Variants in COL24A1 observed in about 807,000 individuals in gnomAD.
COL24A1 encodes the protein collagen type XXIV alpha 1 chain, also known as collagen alpha-1(XXIV) chain.
In COL24A1, 224 loss-of-function variants were observed where a neutral mutation model predicts 253.9. The ratio of observed to expected loss-of-function variants is 0.88; its 90% confidence interval spans 0.79 to 0.99. The LOEUF (loss-of-function observed/expected upper bound fraction) is 0.99. COL24A1 is among the 50% of genes least tolerant of loss of function. The pLI, the probability that COL24A1 is intolerant of heterozygous loss-of-function variation, is 0.00. For synonymous variants in COL24A1, 685 were observed against 673.7 expected (o/e 1.02, Z -0.26); for missense variants, 2,131 against 2,068.5 (o/e 1.03, Z -0.59).
intron 5 of COL24A1, among the ~76,000 whole-genome samples, chr1:86,093,356 G>C (rs1703647381): frequency 6.6e-6 from 1 of 152,030 alleles, no homozygotes; most frequent in Non-Finnish European, 1.5e-5. Flanking sequence ...TGGCTAGCCA[G>C]TCATCCCAGC....
intron 43 of COL24A1, among the ~76,000 whole-genome samples, chr1:85,825,849 G>A (rs1489239486): frequency 9.8e-5 from 9 of 92,284 alleles, no homozygotes; most frequent in Middle Eastern, 4.3e-3. Context: ...AGTAGGTTGC[G>A]AAAATTTTCT....
intron 58 of COL24A1, among the ~76,000 whole-genome samples, chr1:85,735,822 T>C (rs1557928533): frequency 6.6e-6 from 1 of 152,012 alleles, no homozygotes; most frequent in Non-Finnish European, 1.5e-5. Flanking sequence ...TAGTTCCTAC[T>C]GAGGAATTTG....
intron 47 of COL24A1, among the ~76,000 whole-genome samples, chr1:85,799,025 T>C (rs958658653): frequency 6.6e-6 from 1 of 152,118 alleles, no homozygotes; most frequent in Non-Finnish European, 1.5e-5. Flanking sequence ...AACATCATGG[T>C]AGACTCATTT....
intron 2 of COL24A1, among the ~76,000 whole-genome samples, chr1:86,131,223 C>A (rs995496055): frequency 1.3e-5 from 2 of 151,844 alleles, no homozygotes; most frequent in African/African-American, 4.8e-5. Flanking sequence ...GAATATGGCA[C>A]CATATTGACC....
Position 85,902,173 on chromosome 1 carries a change from T to A in COL24A1, c.2778+5021A>T, listed in dbSNP as rs553398866. Among the ~76,000 whole-genome samples, 5 of 152,286 alleles carry A rather than the reference T, an allele frequency of 3.3e-5. No individual in the cohort carries two copies. The East Asian group carries it at 9.7e-4, about 29-fold the overall frequency. Reference sequence around the variant, plus strand: ...ATCCCAAAATATGTCATGAAAACACTGGAGAAATTGTAGTTTCCAAAAGGG... The same window carrying A: ...ATCCCAAAATATGTCATGAAAACACAGGAGAAATTGTAGTTTCCAAAAGGG... On this transcript the variant is annotated intron_variant, in intron 28 of 59. Transcript: ENST00000370571.
intron 47 of COL24A1, among the ~76,000 whole-genome samples, chr1:85,788,323 C>T (rs1026649009): frequency 3.3e-5 from 5 of 152,150 alleles, no homozygotes; most frequent in African/African-American, 1.2e-4. Context: ...GATCTCCTGA[C>T]CTCGTGATCC....
At chr1:86,115,297 C>T in intron 4 of COL24A1, 28 bp downstream of exon 4, 1 of 1,609,422 alleles carries the variant, frequency 6.2e-7, no homozygotes, top group Non-Finnish European at 8.5e-7. Context: ...TTCTCACTGC[C>T]AGCAGGAAAT....
Position 86,017,224 on chromosome 1 carries a change from T to C in COL24A1, c.2257-20A>G. ...TTGGCCCTAAAATGGGGGGGGAGGATCAAAGTATAAACATAAACTTAATAA... is the reference window on the plus strand; with the variant it reads ...TTGGCCCTAAAATGGGGGGGGAGGACCAAAGTATAAACATAAACTTAATAA... On this transcript the variant is annotated intron_variant, in intron 18 of 59. Transcript: ENST00000370571. 1 of 1,549,522 alleles carries C rather than the reference T, an allele frequency of 6.5e-7. No homozygotes were observed. The highest frequency in any genetic ancestry group is 1.2e-5 in the South Asian group (1 of 81,988).
intron 2 of COL24A1, among the ~76,000 whole-genome samples, chr1:86,135,001 T>C (rs1030742309): frequency 6.6e-6 from 1 of 151,418 alleles, no homozygotes; most frequent in Non-Finnish European, 1.5e-5. Context: ...TTTGTAGGTC[T>C]CCAAGGACTT....
At chr1:86,077,703 C>T (rs1702352313) in intron 7 of COL24A1, among the ~76,000 whole-genome samples, 1 of 152,086 alleles carries the variant, frequency 6.6e-6, no homozygotes, top group African/African-American at 2.4e-5. Context: ...ATGGATGAAG[C>T]TGGAAACCAT....
At chr1:85,980,725 G>A (rs1006234318) in intron 20 of COL24A1, among the ~76,000 whole-genome samples, 5 of 152,094 alleles carry the variant, frequency 3.3e-5, no homozygotes, top group African/African-American at 1.2e-4. Flanking sequence ...TGGCTAACAA[G>A]GTGAAACCCC....
chr1:85,854,712 T>G (rs911409733), intron 37 of COL24A1, among the ~76,000 whole-genome samples: 7 of 89,294 alleles, frequency 7.8e-5, no homozygotes, highest in African/African-American at 3.0e-4. Context: ...TAGGTTTTTG[T>G]TTTTTTTTTT....
chr1:85,828,294 G>T (rs991277356), intron 43 of COL24A1, among the ~76,000 whole-genome samples: 12 of 150,984 alleles, frequency 7.9e-5, no homozygotes, highest in Non-Finnish European at 1.6e-4. Context: ...AGATAAGTTT[G>T]TTATAATTTC....
At chr1:85,823,460 T>C (rs1570760797) in intron 45 of COL24A1, 76 bp downstream of exon 45, 1 of 1,330,156 alleles carries the variant, frequency 7.5e-7, no homozygotes, top group Non-Finnish European at 1.1e-6. Flanking sequence ...TTACAATAAA[T>C]AGTAACTCCT....
intron 12 of COL24A1, among the ~76,000 whole-genome samples, chr1:86,036,194 C>T (rs2101563656): frequency 6.6e-6 from 1 of 151,194 alleles, no homozygotes; most frequent in African/African-American, 2.4e-5. Context: ...ACTTTGTTGC[C>T]CAGACTCTTC....
intron 39 of COL24A1, among the ~76,000 whole-genome samples, chr1:85,845,544 C>T (rs1251808229): frequency 6.6e-6 from 1 of 151,774 alleles, no homozygotes; most frequent in African/African-American, 2.4e-5. Flanking sequence ...CTATTCACTG[C>T]TATAGTAGAA....
chr1:86,008,358 C>G (rs1005510227), intron 19 of COL24A1, among the ~76,000 whole-genome samples: 1 of 152,126 alleles, frequency 6.6e-6, no homozygotes, highest in Non-Finnish European at 1.5e-5. Flanking sequence ...GTTCCTCCCA[C>G]CTCAGCCTCC....
chr1:86,103,343 G>A lies in COL24A1; in HGVS notation c.1599+9224C>T, dbSNP rs375226441. ...TTTTGGTTCTTTAGCCTGCCACTCC[G>A]TTCCTTTTCATTGAGACATTTAGCC... is the stretch of plus-strand genomic sequence containing the variant. On this transcript the variant is annotated intron_variant, in intron 5 of 59. Coordinates refer to ENST00000370571, the MANE Select transcript of COL24A1 (RefSeq NM_152890.7). 1.7e-3 allele frequency among the ~76,000 whole-genome samples: 256 copies of A among 152,176 alleles called. 1 individual carries two copies. The highest frequency in any genetic ancestry group is 2.0e-3 in the Non-Finnish European group (138 of 67,996).
intron 19 of COL24A1, among the ~76,000 whole-genome samples, chr1:86,004,835 G>C (rs1049486740): frequency 6.6e-6 from 1 of 152,162 alleles, no homozygotes; most frequent in Non-Finnish European, 1.5e-5. Flanking sequence ...TTGTCACCAG[G>C]TCTGAACAAA....
Sources: gnomAD v4.1 joint callset for allele counts (sites outside exome capture counted in the v4.1 genomes callset) on GRCh38, gnomAD v4.1.1 for gene constraint, MANE v1.5 for transcripts, NCBI Gene and HGNC (gene_info 2026-07-23, HGNC 2026-07-21) for gene names.